NUP37: variants seen among roughly 807,000 people sequenced by gnomAD.
The protein encoded by NUP37 is nucleoporin 37.
Under a neutral mutation model 45.4 loss-of-function variants are expected in NUP37, and 33 were observed. That is an observed-to-expected ratio of 0.73 (90% CI 0.55 to 0.97). The LOEUF (loss-of-function observed/expected upper bound fraction) is 0.97. Ranked by LOEUF, NUP37 falls within the 50% of genes least tolerant of loss-of-function variation. The pLI is 0.00. For missense variants in NUP37, 365 were observed against 389.7 expected (o/e 0.94, Z 0.53); for synonymous variants, 127 against 130.7 (o/e 0.97, Z 0.19).
intron 8 of NUP37, among the ~76,000 whole-genome samples, chr12:102,076,081 T>A (rs1879158767): frequency 1.3e-5 from 2 of 152,158 alleles, no homozygotes; most frequent in African/African-American, 4.8e-5. Context: ...TCTAGACTTA[T>A]AAGTACCATA....
chr12:102,076,285 G>T (rs1879164275), intron 8 of NUP37, among the ~76,000 whole-genome samples: 1 of 152,112 alleles, frequency 6.6e-6, no homozygotes, highest in Non-Finnish European at 1.5e-5. Flanking sequence ...ACTGGTTTTA[G>T]TCTCTTATTT....
chr12:102,096,326 C>T (rs1218860876), intron 5 of NUP37, among the ~76,000 whole-genome samples: 1 of 152,106 alleles, frequency 6.6e-6, no homozygotes, highest in Non-Finnish European at 1.5e-5. Context: ...TGTAATCTAT[C>T]ATCTTCCATA....
rs540498200 is a variant in NUP37 at position 102,112,514 on chromosome 12, T to C, written c.157-282A>G. On this transcript the variant is annotated intron_variant, in intron 2 of 9. Coordinates refer to ENST00000552283, the MANE Select transcript of NUP37 (RefSeq NM_024057.4). ...ATAAGTTCAATGAAAATGGACTGCT[T>C]GGTCAGGCGTGTTGGCTCACGTCTA... is the stretch of plus-strand genomic sequence containing the variant. 4.6e-5 allele frequency among the ~76,000 whole-genome samples: 7 copies of C among 152,306 alleles called. No individual in the cohort carries two copies. In the South Asian group the frequency reaches 1.5e-3, roughly 32 times the overall value.
chr12:102,105,680 G>A (rs558708292), intron 3 of NUP37, among the ~76,000 whole-genome samples: 18 of 152,036 alleles, frequency 1.2e-4, no homozygotes, highest in South Asian at 6.2e-4. Flanking sequence ...GGTCAACACG[G>A]CGAAATCCCA....
chr12:102,099,768 G>C (rs936423938), intron 4 of NUP37, among the ~76,000 whole-genome samples: 17 of 152,166 alleles, frequency 1.1e-4, no homozygotes, highest in Non-Finnish European at 2.9e-5. Flanking sequence ...CAACAAATGA[G>C]AAGTTGCACA....
At chr12:102,079,033 T>C (rs1879261006) in intron 6 of NUP37, 2 of 287,126 alleles carry the variant, frequency 7.0e-6, no homozygotes, top group South Asian at 6.8e-5. Flanking sequence ...GCTTTTCCAC[T>C]CTCTACATCT....
chr12:102,108,166 G>C (rs1880210069), intron 3 of NUP37, among the ~76,000 whole-genome samples: 1 of 152,114 alleles, frequency 6.6e-6, no homozygotes, highest in South Asian at 2.1e-4. Context: ...AGTGGGAGGG[G>C]AAGACCCACC....
At chr12:102,076,005 G>A (rs947906535) in intron 8 of NUP37, among the ~76,000 whole-genome samples, 1 of 152,122 alleles carries the variant, frequency 6.6e-6, no homozygotes, top group Non-Finnish European at 1.5e-5. Context: ...CAGAGGGAAA[G>A]GATGAAAAGG....
intron 6 of NUP37, chr12:102,079,269 A>T (rs1879267886): frequency 2.2e-6 from 1 of 455,352 alleles, no homozygotes. Flanking sequence ...GTATGGCTAA[A>T]ATGTGACTGT....
intron 5 of NUP37, among the ~76,000 whole-genome samples, chr12:102,097,867 C>T (rs962766306): frequency 6.6e-6 from 1 of 152,078 alleles, no homozygotes; most frequent in Non-Finnish European, 1.5e-5. Flanking sequence ...TCTTTCATAT[C>T]TCTGACATGA....
In NUP37 at chr12:102,074,998, T is replaced by G. The variant is rs188979703; in HGVS notation, c.867+3A>C. On this transcript the variant is annotated splice_donor_region_variant and intron_variant, in intron 9 of 9. Coordinates refer to ENST00000552283, the MANE Select transcript of NUP37 (RefSeq NM_024057.4). ...CGTATGTTACAAAACATTTCCACAT[T>G]ACCTGAGGGTGTCCTAAATGATGAA... The G allele has an allele frequency of 6.4e-6, 10 of 1,572,102 alleles. No homozygotes were observed. In the African/African-American group the frequency reaches 1.4e-4, roughly 22 times the overall value.
intron 3 of NUP37, among the ~76,000 whole-genome samples, chr12:102,108,840 A>G (rs1471253138): frequency 6.6e-6 from 1 of 152,210 alleles, no homozygotes; most frequent in Non-Finnish European, 1.5e-5. Context: ...TAATGAAATC[A>G]TAAAACTTTG....
intron 3 of NUP37, 101 bp downstream of exon 3, chr12:102,112,006 GA>G: frequency 1.8e-6 from 2 of 1,112,730 alleles, no homozygotes; most frequent in Non-Finnish European, 2.6e-6. Flanking sequence ...TTGGATTGTG[GA>G]AAATGGAAAT....
chr12:102,102,555 G>A (rs1880003750), intron 3 of NUP37, among the ~76,000 whole-genome samples: 2 of 152,160 alleles, frequency 1.3e-5, no homozygotes, highest in South Asian at 2.1e-4. Flanking sequence ...CAATCTGTAG[G>A]TTGCATCTTC....
chr12:102,114,677 A>T (rs922216824), intron 2 of NUP37, among the ~76,000 whole-genome samples: 1 of 152,184 alleles, frequency 6.6e-6, no homozygotes, highest in East Asian at 1.9e-4. Flanking sequence ...GCCAAATACA[A>T]ATTTCAGTTA....
Sources: gnomAD v4.1 joint callset for allele counts (sites outside exome capture counted in the v4.1 genomes callset) on GRCh38, gnomAD v4.1.1 for gene constraint, MANE v1.5 for transcripts, NCBI Gene and HGNC (gene_info 2026-07-23, HGNC 2026-07-21) for gene names.